The following FBXL7 variants were observed in gnomAD, a reference collection of about 807,000 sequenced individuals.
FBXL7 encodes the protein F-box and leucine rich repeat protein 7.
FBXL7 carries 12 observed loss-of-function variants against 38.3 expected under a neutral mutation model. The observed-to-expected ratio is 0.31, with a 90% CI of 0.20 to 0.51. The LOEUF is 0.51. Among genes scored for constraint, FBXL7 ranks in the 20% least tolerant of loss-of-function variants. The probability of loss-of-function intolerance (pLI) is 0.98; values close to 1 mark genes in which losing one functional copy is unlikely to be tolerated. For synonymous variants in FBXL7, 297 were observed against 300.9 expected (o/e 0.99, Z 0.13); for missense variants, 567 against 676.4 (o/e 0.84, Z 1.79).
intron 1 of FBXL7, among the ~76,000 whole-genome samples, chr5:15,577,592 TTTTGTGTGTG>T (rs1185811922): frequency 9.5e-6 from 1 of 105,794 alleles, no homozygotes; most frequent in East Asian, 2.8e-4. Flanking sequence ...ATGTAATGCA[TTTTGTGTGTG>T]TGTGTGTGTG....
At chr5:15,555,967 T>TATC (rs1738216003) in intron 1 of FBXL7, among the ~76,000 whole-genome samples, 1 of 142,894 alleles carries the variant, frequency 7.0e-6, no homozygotes, top group African/African-American at 2.6e-5. Context: ...ATCTGTCATC[T>TATC]GTCTATCATC....
chr5:15,582,829 C>T (rs1739183620), intron 1 of FBXL7, among the ~76,000 whole-genome samples: 1 of 152,162 alleles, frequency 6.6e-6, no homozygotes, highest in Admixed American at 6.5e-5. Flanking sequence ...GTCAATCTTT[C>T]CAAATCTTTT....
At chr5:15,535,972 G>A (rs903116969) in intron 1 of FBXL7, among the ~76,000 whole-genome samples, 6 of 152,350 alleles carry the variant, frequency 3.9e-5, no homozygotes, top group South Asian at 2.1e-4. Flanking sequence ...TGTGGGCTGC[G>A]CCCAGGGCCT....
At position 15,892,933 on chromosome 5, in the gene FBXL7, G is replaced by C. The variant is rs1008652695; in HGVS notation, c.128-34957G>C. ...GAGATCGAGACCATCCTGGCTAACA[G>C]GGTGAAACCCCGTCTCTACTAAAAA... On this transcript the variant is annotated intron_variant, in intron 2 of 3. Transcript: ENST00000504595. Among the ~76,000 whole-genome samples, 464 of 152,038 alleles carry C rather than the reference G, an allele frequency of 3.1e-3. 1 individual carries two copies. Among genetic ancestry groups the C allele is most frequent in the African/African-American group, 9.2e-3 (383 of 41,480 alleles).
chr5:15,600,854 A>T (rs1283958937), intron 1 of FBXL7, among the ~76,000 whole-genome samples: 2 of 152,202 alleles, frequency 1.3e-5, no homozygotes, highest in African/African-American at 4.8e-5. Flanking sequence ...AATGAGTGAC[A>T]GTAAGGCACA....
At chr5:15,524,261 C>G (rs1358583055) in intron 1 of FBXL7, among the ~76,000 whole-genome samples, 1 of 152,090 alleles carries the variant, frequency 6.6e-6, no homozygotes, top group Non-Finnish European at 1.5e-5. Flanking sequence ...TTGACCATCT[C>G]CCTACTCAAA....
chr5:15,847,188 G>A (rs1242869739), intron 2 of FBXL7, among the ~76,000 whole-genome samples: 2 of 152,112 alleles, frequency 1.3e-5, no homozygotes. Context: ...ACCCAAGACT[G>A]GGTAATTTAT....
At chr5:15,804,351 C>A (rs1333635083) in intron 2 of FBXL7, among the ~76,000 whole-genome samples, 2 of 152,056 alleles carry the variant, frequency 1.3e-5, no homozygotes, top group Non-Finnish European at 2.9e-5. Flanking sequence ...CAACTATAGT[C>A]CCAGCTACTC....
chr5:15,604,593 G>A (rs1481778604), intron 1 of FBXL7, among the ~76,000 whole-genome samples: 2 of 152,114 alleles, frequency 1.3e-5, no homozygotes, highest in Non-Finnish European at 2.9e-5. Context: ...GACCTCAAGT[G>A]ATCCACCTAC....
At chr5:15,846,929 T>C (rs947154148) in intron 2 of FBXL7, among the ~76,000 whole-genome samples, 1 of 152,058 alleles carries the variant, frequency 6.6e-6, no homozygotes, top group Non-Finnish European at 1.5e-5. Flanking sequence ...AATTAAAAAT[T>C]ATAAGAAAAA....
chr5:15,735,175 C>T (rs968667725), intron 2 of FBXL7, among the ~76,000 whole-genome samples: 7 of 152,288 alleles, frequency 4.6e-5, no homozygotes, highest in Admixed American at 2.0e-4. Flanking sequence ...TCAGGTGATC[C>T]GCCTGCCTTG....
chr5:15,812,452 CTATG>C (rs1737890460), intron 2 of FBXL7, among the ~76,000 whole-genome samples: 1 of 151,992 alleles, frequency 6.6e-6, no homozygotes, highest in Non-Finnish European at 1.5e-5. Flanking sequence ...ACATGTATAC[CTATG>C]AAACGAACCT....
chr5:15,897,566 G>A (rs1176457550), intron 2 of FBXL7, among the ~76,000 whole-genome samples: 1 of 152,202 alleles, frequency 6.6e-6, no homozygotes, highest in Non-Finnish European at 1.5e-5. Flanking sequence ...TGAGTCAGAT[G>A]TGAAAAGATT....
At chr5:15,576,484 AG>A (rs1738973614) in intron 1 of FBXL7, among the ~76,000 whole-genome samples, 2 of 152,156 alleles carry the variant, frequency 1.3e-5, no homozygotes, top group African/African-American at 2.4e-5. Flanking sequence ...ATCTGAAAAA[AG>A]TTTTGTAGTA....
intron 1 of FBXL7, among the ~76,000 whole-genome samples, chr5:15,540,862 G>A (rs754871650): frequency 6.6e-6 from 1 of 152,070 alleles, no homozygotes; most frequent in Admixed American, 6.5e-5. Context: ...CCACCATCAT[G>A]AGCTAATTAC....
intron 2 of FBXL7, among the ~76,000 whole-genome samples, chr5:15,870,574 C>G (rs181965468): frequency 1.2e-3 from 182 of 152,266 alleles, no homozygotes; most frequent in Non-Finnish European, 1.9e-3. Flanking sequence ...GGGGGGATTA[C>G]TCAAACATGT....
At chr5:15,877,482 T>C (rs1202045275) in intron 2 of FBXL7, among the ~76,000 whole-genome samples, 1 of 152,216 alleles carries the variant, frequency 6.6e-6, no homozygotes, top group Non-Finnish European at 1.5e-5. Flanking sequence ...ACTGAAGAGA[T>C]GCAGTTGGGA....
intron 1 of FBXL7, among the ~76,000 whole-genome samples, chr5:15,576,033 A>G (rs1044555029): frequency 1.3e-5 from 2 of 151,418 alleles, no homozygotes; most frequent in African/African-American, 4.9e-5. Flanking sequence ...GTGATTCATT[A>G]AATAATGTCA....
intron 2 of FBXL7, among the ~76,000 whole-genome samples, chr5:15,888,889 A>G (rs1740791389): frequency 6.6e-6 from 1 of 152,190 alleles, no homozygotes; most frequent in South Asian, 2.1e-4. Flanking sequence ...AGACAATTAG[A>G]AGAACCAAAA....
Sources: gnomAD v4.1 joint callset for allele counts (sites outside exome capture counted in the v4.1 genomes callset) on GRCh38, gnomAD v4.1.1 for gene constraint, MANE v1.5 for transcripts, NCBI Gene and HGNC (gene_info 2026-07-23, HGNC 2026-07-21) for gene names.